The following HS3ST4 variants were observed in gnomAD, a reference collection of about 807,000 sequenced individuals.
The protein encoded by HS3ST4 is heparan sulfate-glucosamine 3-sulfotransferase 4, also known as heparan sulfate glucosamine 3-O-sulfotransferase 4.
A neutral mutation model predicts 29.2 loss-of-function variants in HS3ST4; 17 were observed. That is an observed-to-expected ratio of 0.58 (90% CI 0.40 to 0.87). The LOEUF (loss-of-function observed/expected upper bound fraction) is 0.87, where lower values mean the gene tolerates loss of function less well. Among genes scored for constraint, HS3ST4 ranks in the 40% least tolerant of loss-of-function variants. HS3ST4 has a pLI of 0.00. For synonymous variants in HS3ST4, 314 were observed against 285.7 expected, an observed-to-expected ratio of 1.10 and a Z score of -1.00; for missense variants, 627 against 634.5, an observed-to-expected ratio of 0.99 and a Z score of 0.13.
chr16:25,945,067 G>A (rs947185525), intron 1 of HS3ST4, among the ~76,000 whole-genome samples: 3 of 152,126 alleles, frequency 2.0e-5, no homozygotes, highest in Admixed American at 1.3e-4. Flanking sequence ...CTGATCTCCT[G>A]TACTTAATTC....
intron 1 of HS3ST4, among the ~76,000 whole-genome samples, chr16:26,004,901 C>T (rs1310150973): frequency 6.6e-6 from 1 of 152,086 alleles, no homozygotes; most frequent in Non-Finnish European, 1.5e-5. Flanking sequence ...GATTTTGTCT[C>T]CATATGCATT....
At chr16:25,811,422 C>CTTTTTTTTTTTTTTTTTTTT (rs5816324) in intron 1 of HS3ST4, among the ~76,000 whole-genome samples, 1 of 129,058 alleles carries the variant, frequency 7.7e-6, no homozygotes, top group Non-Finnish European at 1.6e-5. Context: ...TTTTCTTCTT[C>CTTTTTTTTTTTTTTTTTTTT]TTTTTTTTTT....
intron 1 of HS3ST4, among the ~76,000 whole-genome samples, chr16:25,964,503 A>T (rs188584774): frequency 6.6e-6 from 1 of 152,324 alleles, no homozygotes; most frequent in Admixed American, 6.5e-5. Flanking sequence ...TATAATGCGC[A>T]GGGCAACCCT....
At chr16:25,928,057 A>T (rs981748733) in intron 1 of HS3ST4, among the ~76,000 whole-genome samples, 1 of 151,170 alleles carries the variant, frequency 6.6e-6, no homozygotes, top group Non-Finnish European at 1.5e-5. Context: ...AAAAAAAAAA[A>T]AGGTAGCCAG....
At chr16:26,021,915 G>T (rs913974283) in intron 1 of HS3ST4, among the ~76,000 whole-genome samples, 7 of 151,784 alleles carry the variant, frequency 4.6e-5, no homozygotes, top group Non-Finnish European at 1.0e-4. Context: ...GCCCACCTTG[G>T]CTTCCCAAAG....
At chr16:26,122,019 TAGA>T (rs1198030329) in intron 1 of HS3ST4, among the ~76,000 whole-genome samples, 1 of 150,848 alleles carries the variant, frequency 6.6e-6, no homozygotes, top group Non-Finnish European at 1.5e-5. Context: ...GAGAAAAGAG[TAGA>T]AGGAGAGTTG....
At chr16:25,988,765 G>C (rs1969087580) in intron 1 of HS3ST4, among the ~76,000 whole-genome samples, 1 of 151,666 alleles carries the variant, frequency 6.6e-6, no homozygotes, top group Non-Finnish European at 1.5e-5. Context: ...TGGGTACTAG[G>C]CTTAATACCT....
chr16:26,083,309 G>T (rs1446528042), intron 1 of HS3ST4, among the ~76,000 whole-genome samples: 1 of 152,222 alleles, frequency 6.6e-6, no homozygotes, highest in Non-Finnish European at 1.5e-5. Flanking sequence ...AAAACTTTTT[G>T]TACTAAATCG....
chr16:26,107,997 T>C (rs1411733706), intron 1 of HS3ST4, among the ~76,000 whole-genome samples: 1 of 152,220 alleles, frequency 6.6e-6, no homozygotes, highest in Non-Finnish European at 1.5e-5. Context: ...CTATTTTCTA[T>C]GGAAAATAGA....
intron 1 of HS3ST4, among the ~76,000 whole-genome samples, chr16:25,729,130 A>G (rs1025550411): frequency 6.6e-6 from 1 of 152,130 alleles, no homozygotes; most frequent in African/African-American, 2.4e-5. Context: ...ATTTTGGGGT[A>G]CATCAAGAAG....
intron 1 of HS3ST4, among the ~76,000 whole-genome samples, chr16:25,732,230 C>A (rs1211396075): frequency 6.6e-6 from 1 of 152,114 alleles, no homozygotes; most frequent in Non-Finnish European, 1.5e-5. Flanking sequence ...CCCACCCCTA[C>A]CCCCCAAACC....
At chr16:25,872,181 G>A (rs1967761106) in intron 1 of HS3ST4, among the ~76,000 whole-genome samples, 1 of 152,182 alleles carries the variant, frequency 6.6e-6, no homozygotes, top group South Asian at 2.1e-4. Flanking sequence ...AAATCCCAGA[G>A]CGTGGTCAGC....
At chr16:26,070,835 C>A (rs1387638712) in intron 1 of HS3ST4, among the ~76,000 whole-genome samples, 1 of 152,124 alleles carries the variant, frequency 6.6e-6, no homozygotes, top group Non-Finnish European at 1.5e-5. Context: ...AACCTGGGAC[C>A]ATTTTTTAAA....
intron 1 of HS3ST4, among the ~76,000 whole-genome samples, chr16:25,774,511 C>A (rs1229885957): frequency 6.6e-6 from 1 of 152,218 alleles, no homozygotes; most frequent in Non-Finnish European, 1.5e-5. Context: ...AGACCAAGAA[C>A]CCTAAGGCCA....
At chr16:26,066,285 C>T (rs906756564) in intron 1 of HS3ST4, among the ~76,000 whole-genome samples, 2 of 152,172 alleles carry the variant, frequency 1.3e-5, no homozygotes, top group South Asian at 2.1e-4. Context: ...ACATGTCTAT[C>T]ATATAAAACT....
intron 1 of HS3ST4, among the ~76,000 whole-genome samples, chr16:25,767,908 T>C (rs3935368): frequency 0.82 from 124,706 of 152,174 alleles, 51,210 homozygotes; most frequent in Middle Eastern, 0.93. Context: ...AGTTCATTCC[T>C]AATATGCTGT....
At chr16:25,743,651 G>C (rs1295020432) in intron 1 of HS3ST4, among the ~76,000 whole-genome samples, 1 of 152,036 alleles carries the variant, frequency 6.6e-6, no homozygotes, top group South Asian at 2.1e-4. Flanking sequence ...GATTACAGGC[G>C]TGCTTCACCA....
At chr16:25,847,375 A>G (rs560692280) in intron 1 of HS3ST4, among the ~76,000 whole-genome samples, 12 of 152,196 alleles carry the variant, frequency 7.9e-5, no homozygotes, top group Non-Finnish European at 1.8e-4. Flanking sequence ...TTTGCTATTA[A>G]TTTCAAAAAT....
rs986978627 is a variant in HS3ST4, at chr16:25,853,503, C to T, written c.734+160352C>T. On this transcript the variant is annotated intron_variant, in intron 1 of 1. Coordinates refer to ENST00000331351, the MANE Select transcript of HS3ST4 (RefSeq NM_006040.3). ...CTGATTTTGGAGGGAAGGCTTTAAGCTTTTCACTGTTGAGTTTGAGGTTAG... is the reference window on the plus strand; with the variant it reads ...CTGATTTTGGAGGGAAGGCTTTAAGTTTTTCACTGTTGAGTTTGAGGTTAG... 3.3e-5 allele frequency among the ~76,000 whole-genome samples: 5 copies of T among 152,234 alleles called. No individual in the cohort carries two copies. The East Asian group carries it at 9.6e-4, about 29-fold the overall frequency.
Sources: gnomAD v4.1 joint callset for allele counts (sites outside exome capture counted in the v4.1 genomes callset) on GRCh38, gnomAD v4.1.1 for gene constraint, MANE v1.5 for transcripts, NCBI Gene and HGNC (gene_info 2026-07-23, HGNC 2026-07-21) for gene names.